Variants in ITPRID1 observed in about 807,000 individuals in gnomAD.
ITPRID1 encodes the protein protein ITPRID1.
ITPRID1 carries 96 observed loss-of-function variants against 95.4 expected under a neutral mutation model. The observed-to-expected ratio is 1.01, with a 90% CI of 0.85 to 1.19. The LOEUF (loss-of-function observed/expected upper bound fraction) is 1.19, where lower values mean the gene tolerates loss of function less well. Among genes scored for constraint, ITPRID1 ranks in the 50% most tolerant of loss-of-function variants. ITPRID1 has a pLI of 0.00. For missense variants in ITPRID1, 1,339 were observed against 1,252.9 expected, an observed-to-expected ratio of 1.07 and a Z score of -1.04; for synonymous variants, 510 against 453.6, an observed-to-expected ratio of 1.12 and a Z score of -1.58.
chr7:31,632,174 C>T (rs984600222), intron 10 of ITPRID1, among the ~76,000 whole-genome samples: 2 of 152,176 alleles, frequency 1.3e-5, no homozygotes, highest in Non-Finnish European at 2.9e-5. Context: ...AGAGGCAGGG[C>T]GTGGTGGCTC....
rs1381819709 is a variant in ITPRID1, at chr7:31,554,903, TAAGAC to T, written c.256+7_256+11del. The stretch of plus-strand genomic sequence containing the variant: ...TTCAACAAGTCATTGACCGCACTGG[TAAGAC>T]AAGAGAAGCAGTTATGCTTTGGGAA... On this transcript the variant is annotated splice_donor_5th_base_variant and intron_variant, in intron 5 of 14. Transcript: ENST00000615280. The T allele has an allele frequency of 1.2e-5, 19 of 1,576,554 alleles. No individual in the cohort carries two copies. Among genetic ancestry groups the T allele is most frequent in the Middle Eastern group, 1.7e-4 (1 of 6,024 alleles).
intron 10 of ITPRID1, among the ~76,000 whole-genome samples, chr7:31,634,846 G>A (rs896564485): frequency 1.2e-4 from 18 of 152,198 alleles, no homozygotes; most frequent in Non-Finnish European, 1.9e-4. Flanking sequence ...GGCCCCACTG[G>A]AGCAGAGTAA....
At chr7:31,648,490 T>C (rs796326884) in intron 12 of ITPRID1, among the ~76,000 whole-genome samples, 53 of 152,274 alleles carry the variant, frequency 3.5e-4, no homozygotes, top group African/African-American at 1.3e-3. Context: ...AACCAGAAGA[T>C]GGCAGCATTT....
chr7:31,520,220 T>C (rs1206687784), intron 1 of ITPRID1, among the ~76,000 whole-genome samples: 1 of 152,118 alleles, frequency 6.6e-6, no homozygotes, highest in Admixed American at 6.5e-5. Flanking sequence ...TTTATCAAAT[T>C]ATGTCAAAAA....
Position 31,574,670 on chromosome 7 carries a change from AGAG to A in ITPRID1, c.529_531del (p.Gly177del). On this transcript the variant is annotated inframe_deletion, in exon 8 of 15. Coordinates refer to ENST00000615280, the MANE Select transcript of ITPRID1 (RefSeq NM_001257967.3). Reference sequence around the variant, plus strand: ...ATTCCTTGGTTGTGGCTCAGCAGCCAGAGGAATCAACATCCGTGTTTTTCTTGA... The same window carrying A: ...ATTCCTTGGTTGTGGCTCAGCAGCCAGAATCAACATCCGTGTTTTTCTTGA... 6.2e-7 allele frequency: 1 copy of A among 1,613,912 alleles called. No homozygotes were observed. The highest frequency in any genetic ancestry group is 8.5e-7 in the Non-Finnish European group (1 of 1,179,838).
chr7:31,613,564 C>T (rs909461532), intron 10 of ITPRID1, among the ~76,000 whole-genome samples: 1 of 151,982 alleles, frequency 6.6e-6, no homozygotes, highest in African/African-American at 2.4e-5. Flanking sequence ...GTTTGTTAGT[C>T]AGTAACAATG....
intron 10 of ITPRID1, among the ~76,000 whole-genome samples, chr7:31,616,671 A>AAAGAGTAGTTTT (rs778827580): frequency 5.3e-5 from 8 of 152,138 alleles, no homozygotes; most frequent in Admixed American, 2.0e-4. Flanking sequence ...CAGATAGCTT[A>AAAGAGTAGTTTT]AAGAGTAGTT....
chr7:31,633,884 C>CTT (rs1295971180), intron 10 of ITPRID1, among the ~76,000 whole-genome samples: 9 of 152,338 alleles, frequency 5.9e-5, no homozygotes, highest in African/African-American at 1.4e-4. Flanking sequence ...CCCATCACCT[C>CTT]TGCTTTTTCT....
chr7:31,638,621 G>A (rs1789710136), intron 10 of ITPRID1, among the ~76,000 whole-genome samples: 2 of 152,082 alleles, frequency 1.3e-5, no homozygotes, highest in Non-Finnish European at 2.9e-5. Flanking sequence ...CCCTAAAGAT[G>A]TTACTCAACT....
intron 1 of ITPRID1, chr7:31,529,602 T>C: frequency 1.8e-6 from 1 of 563,638 alleles, no homozygotes; most frequent in East Asian, 2.8e-5. Flanking sequence ...AACTTGACCA[T>C]GGCTTTAGGC....
intron 12 of ITPRID1, among the ~76,000 whole-genome samples, chr7:31,645,622 T>A (rs1301296027): frequency 6.6e-6 from 1 of 152,130 alleles, no homozygotes; most frequent in Non-Finnish European, 1.5e-5. Flanking sequence ...ACCACCATCA[T>A]CATTATTTAC....
At chr7:31,570,451 G>A in intron 6 of ITPRID1, among the ~76,000 whole-genome samples, 1 of 152,148 alleles carries the variant, frequency 6.6e-6, no homozygotes, top group East Asian at 1.9e-4. Flanking sequence ...GCTCTTTCAG[G>A]TTAGGAACTC....
intron 10 of ITPRID1, among the ~76,000 whole-genome samples, chr7:31,625,216 G>T (rs191658879): frequency 6.6e-6 from 1 of 152,048 alleles, no homozygotes; most frequent in African/African-American, 2.4e-5. Context: ...TCAGTGTGGC[G>T]ATTCCTCAGG....
chr7:31,543,265 C>A (rs1273667460), intron 1 of ITPRID1, among the ~76,000 whole-genome samples: 2 of 152,012 alleles, frequency 1.3e-5, no homozygotes, highest in East Asian at 3.9e-4. Context: ...TTTGTGGTGT[C>A]TTTTCTGTTT....
intron 10 of ITPRID1, among the ~76,000 whole-genome samples, chr7:31,616,788 A>ACC (rs1400809648): frequency 1.4e-5 from 2 of 142,410 alleles, no homozygotes; most frequent in African/African-American, 5.5e-5. Flanking sequence ...AGGTTTCTAA[A>ACC]TTTCATTTTT....
intron 1 of ITPRID1, among the ~76,000 whole-genome samples, chr7:31,538,459 T>C (rs1783831262): frequency 6.6e-6 from 1 of 152,364 alleles, no homozygotes. Context: ...ATATTCATAA[T>C]TGGCCTTTGT....
intron 10 of ITPRID1, among the ~76,000 whole-genome samples, chr7:31,618,070 C>G (rs1787440364): frequency 6.6e-6 from 1 of 152,126 alleles, no homozygotes; most frequent in Non-Finnish European, 1.5e-5. Context: ...ATGACAGAAG[C>G]CTATCAGGTT....
intron 1 of ITPRID1, among the ~76,000 whole-genome samples, chr7:31,532,302 T>G (rs1415858817): frequency 6.6e-6 from 1 of 152,214 alleles, no homozygotes; most frequent in Non-Finnish European, 1.5e-5. Flanking sequence ...GTTTGTTATG[T>G]TGCCCATTAA....
chr7:31,519,620 C>CTCTCTCTCCATATATATATATATATATA, intron 1 of ITPRID1, among the ~76,000 whole-genome samples: 5 of 25,270 alleles, frequency 2.0e-4, no homozygotes, highest in Non-Finnish European at 2.9e-4. Context: ...CTCTCTCTCT[C>CTCTCTCTCCATATATATATATATATATA]TATATATATA....
Sources: allele counts gnomAD v4.1 joint callset (sites outside exome capture counted in the v4.1 genomes callset), GRCh38; gene constraint gnomAD v4.1.1; transcripts MANE v1.5; gene names NCBI Gene and HGNC (gene_info 2026-07-23, HGNC 2026-07-21).